The following PSMA8 variants were observed in gnomAD, a reference collection of about 807,000 sequenced individuals.
PSMA8 encodes the protein proteasome 20S subunit alpha 8.
Under a neutral mutation model 32.4 loss-of-function variants are expected in PSMA8, and 18 were observed. That is an observed-to-expected ratio of 0.56 (90% confidence interval 0.38 to 0.82). The LOEUF (loss-of-function observed/expected upper bound fraction) is 0.82. PSMA8 is among the 40% of genes least tolerant of loss of function. PSMA8 has a pLI of 0.00. For synonymous variants in PSMA8, 104 were observed against 98.1 expected (o/e 1.06, Z -0.36); for missense variants, 298 against 300.7 (o/e 0.99, Z 0.07).
Position 26,193,263 on chromosome 18 carries a change from C to G in PSMA8, c.*852C>G, listed in dbSNP as rs532327118. On this transcript the variant is annotated 3_prime_UTR_variant, in exon 7 of 7. Coordinates refer to ENST00000415576, the MANE Select transcript of PSMA8 (RefSeq NM_001025096.2). ...AAATATAAAAAGTGATCTCTGCCCACGGAAAGGATTTAATCCAAATGGTCC... is the reference window on the plus strand; with the variant it reads ...AAATATAAAAAGTGATCTCTGCCCAGGGAAAGGATTTAATCCAAATGGTCC... 3 of 152,072 alleles carry G rather than the reference C, an allele frequency of 2.0e-5. No homozygotes were observed. The highest frequency in any genetic ancestry group is 4.4e-5 in the Non-Finnish European group (3 of 68,024). The allele number at this position is 152,072 out of a possible 1,614,324, so 9.4% of individuals were successfully genotyped here. A position where few individuals can be genotyped will look rare whatever the true frequency, so the allele number is the denominator to read the frequency against.
chr18:26,135,777 G>C (rs1377640592), intron 1 of PSMA8, among the ~76,000 whole-genome samples: 1 of 152,160 alleles, frequency 6.6e-6, no homozygotes, highest in Admixed American at 6.5e-5. Context: ...AGAACTGATT[G>C]ATGGTTCCTT....
At position 26,193,184 on chromosome 18, in the gene PSMA8, C is replaced by A. The variant is rs917720010; in HGVS notation, c.*773C>A. On this transcript the variant is annotated 3_prime_UTR_variant, in exon 7 of 7. Transcript: ENST00000415576. ...GTTTGTTACATATTCCATGAAATAT[C>A]TGAGTGTGTATTTTATGATTGGTAT... The A allele has an allele frequency of 1.3e-5, 2 of 152,042 alleles. No individual in the cohort carries two copies. Among genetic ancestry groups the A allele is most frequent in the African/African-American group, 2.4e-5 (1 of 41,384 alleles). The allele number at this position is 152,042 out of a possible 1,614,324, so 9.4% of individuals were successfully genotyped here.
At chr18:26,137,668 A>G (rs572092631) in intron 1 of PSMA8, among the ~76,000 whole-genome samples, 1 of 152,266 alleles carries the variant, frequency 6.6e-6, no homozygotes, top group East Asian at 1.9e-4. Context: ...TTTGTTGAAT[A>G]CTTACATATG....
intron 6 of PSMA8, among the ~76,000 whole-genome samples, chr18:26,182,031 C>G (rs2055316265): frequency 1.3e-5 from 2 of 152,064 alleles, no homozygotes; most frequent in South Asian, 2.1e-4. Flanking sequence ...TAATCCAGAG[C>G]AAAGTCCTAA....
At chr18:26,176,891 C>T (rs1346947863) in intron 4 of PSMA8, among the ~76,000 whole-genome samples, 1 of 152,026 alleles carries the variant, frequency 6.6e-6, no homozygotes, top group Non-Finnish European at 1.5e-5. Context: ...CGAAATCACG[C>T]CATTGCACTC....
chr18:26,134,166 A>T, intron 1 of PSMA8, 99 bp downstream of exon 1: 1 of 804,280 alleles, frequency 1.2e-6, no homozygotes, highest in Non-Finnish European at 2.1e-6. Context: ...GGAGCTCAAG[A>T]GAGGAGATTC....
chr18:26,147,670 T>C (rs1482446748), intron 2 of PSMA8, among the ~76,000 whole-genome samples: 1 of 152,150 alleles, frequency 6.6e-6, no homozygotes, highest in Non-Finnish European at 1.5e-5. Flanking sequence ...TCTACTGTTA[T>C]AAAATATTGT....
At chr18:26,157,402 A>C (rs1227332507) in intron 3 of PSMA8, among the ~76,000 whole-genome samples, 1 of 151,796 alleles carries the variant, frequency 6.6e-6, no homozygotes, top group Non-Finnish European at 1.5e-5. Context: ...TAAAAAAAAA[A>C]AAAAATTAGT....
At chr18:26,192,038 T>G (rs1222567186) in intron 6 of PSMA8, among the ~76,000 whole-genome samples, 1 of 152,200 alleles carries the variant, frequency 6.6e-6, no homozygotes, top group Non-Finnish European at 1.5e-5. Flanking sequence ...ATTAAAATGT[T>G]TTTGGAGTTA....
At chr18:26,186,725 TAC>T (rs2055358470) in intron 6 of PSMA8, among the ~76,000 whole-genome samples, 1 of 152,246 alleles carries the variant, frequency 6.6e-6, no homozygotes, top group Non-Finnish European at 1.5e-5. Flanking sequence ...AGTAGACTTC[TAC>T]AACTTCAGTT....
chr18:26,137,424 C>T (rs937959459), intron 1 of PSMA8, among the ~76,000 whole-genome samples: 3 of 152,100 alleles, frequency 2.0e-5, no homozygotes, highest in Middle Eastern at 3.2e-3. Context: ...CACCAGTGTA[C>T]TCCAGCCTGA....
At position 26,185,737 on chromosome 18, in the gene PSMA8, A is replaced by G. The variant is rs140171148; in HGVS notation, c.661-6582A>G. Among the ~76,000 whole-genome samples, 1,284 of 150,958 alleles carry G rather than the reference A, an allele frequency of 8.5e-3. 74 individuals are homozygous for G. Among genetic ancestry groups the G allele is most frequent in the African/African-American group, 0.03 (1,228 of 40,944 alleles). On this transcript the variant is annotated intron_variant, in intron 6 of 6. Transcript: ENST00000415576. ...TTAATTGAAAATTATTTTAAAATAG[A>G]CTTGCGTCTGGTTTTAAACCAGTTT... is the stretch of plus-strand genomic sequence containing the variant.
rs765248643 is a variant in PSMA8, at chr18:26,158,214, A to G, written c.447A>G (p.Thr149=). The part of the protein sequence containing the change: ...DDDGISRLYQ[T]DPSGTYHAWK... Reference sequence around the variant, plus strand: ...ATGGTATCTCAAGATTGTATCAGACAGATCCTTCTGGTACTTATCATGCTT... The same window carrying G: ...ATGGTATCTCAAGATTGTATCAGACGGATCCTTCTGGTACTTATCATGCTT... Residue 149 remains threonine, a synonymous_variant, in exon 4 of 7, where the codon ACA becomes ACG. Coordinates refer to ENST00000415576, the MANE Select transcript of PSMA8 (RefSeq NM_001025096.2). 6 of 1,608,016 alleles carry G rather than the reference A, an allele frequency of 3.7e-6. No homozygotes were observed. The highest frequency in any genetic ancestry group is 4.3e-6 in the Non-Finnish European group (5 of 1,176,414).
rs750609770 is a variant in PSMA8, at chr18:26,179,149, AG to A, written c.660+21del. On this transcript the variant is annotated intron_variant, in intron 6 of 6. Coordinates refer to ENST00000415576, the MANE Select transcript of PSMA8 (RefSeq NM_001025096.2). ...TTTGAAGGTAAGTCATTAACCAAAG[AG>A]GAAAAAGTATCTGTAGTATAAAGTA... is the stretch of plus-strand genomic sequence containing the variant. 45 of 1,582,866 alleles carry A rather than the reference AG, an allele frequency of 2.8e-5. No individual in the cohort carries two copies. The highest frequency in any genetic ancestry group is 2.2e-4 in the East Asian group (10 of 44,698).
intron 4 of PSMA8, among the ~76,000 whole-genome samples, 175 bp downstream of exon 4, chr18:26,158,419 T>C (rs1463492815): frequency 6.6e-6 from 1 of 152,212 alleles, no homozygotes; most frequent in African/African-American, 2.4e-5. Context: ...AGAATCACCT[T>C]AATTTTGTAA....
At chr18:26,143,686 C>T (rs1232585129) in intron 1 of PSMA8, among the ~76,000 whole-genome samples, 1 of 152,000 alleles carries the variant, frequency 6.6e-6, no homozygotes, top group Non-Finnish European at 1.5e-5. Context: ...ACTGCTGTCA[C>T]TCATGGATTC....
intron 4 of PSMA8, among the ~76,000 whole-genome samples, chr18:26,160,700 G>A (rs1445828007): frequency 6.6e-6 from 1 of 152,174 alleles, no homozygotes; most frequent in East Asian, 1.9e-4. Flanking sequence ...AGGCTTATGA[G>A]GTATAGGTAG....
rs1481128920 is a variant in PSMA8 at position 26,168,065 on chromosome 18, G to GT, written c.477+9830dup. ...CCTTCATGGGTTTTTCCAAATTATTGTTTTTTTTTAGTTTTTCAAGTGAAT... is the reference window on the plus strand; with the variant it reads ...CCTTCATGGGTTTTTCCAAATTATTGTTTTTTTTTTAGTTTTTCAAGTGAAT... On this transcript the variant is annotated intron_variant, in intron 4 of 6. Transcript: ENST00000415576. 3.5e-4 allele frequency among the ~76,000 whole-genome samples: 37 copies of GT among 106,416 alleles called. 1 individual carries two copies. Among genetic ancestry groups the GT allele is most frequent in the Non-Finnish European group, 4.7e-4 (28 of 60,044 alleles). 69.8% of individuals were successfully genotyped at this position (106,416 alleles called of 152,430 possible).
At chr18:26,156,927 C>G (rs537682787) in intron 3 of PSMA8, among the ~76,000 whole-genome samples, 1 of 150,792 alleles carries the variant, frequency 6.6e-6, no homozygotes, top group Non-Finnish European at 1.5e-5. Flanking sequence ...GCTGGTACCA[C>G]AGATGCACAC....
Sources: allele counts gnomAD v4.1 joint callset (sites outside exome capture counted in the v4.1 genomes callset), GRCh38; gene constraint gnomAD v4.1.1; transcripts MANE v1.5; gene names NCBI Gene and HGNC (gene_info 2026-07-23, HGNC 2026-07-21).